The following MTHFD2L variants were observed in gnomAD, a reference collection of about 807,000 sequenced individuals.
MTHFD2L encodes bifunctional methylenetetrahydrofolate dehydrogenase/cyclohydrolase 2, mitochondrial.
Under a neutral mutation model 34.9 loss-of-function variants are expected in MTHFD2L, and 29 were observed. The observed-to-expected ratio is 0.83, with a 90% CI of 0.62 to 1.13. MTHFD2L has a LOEUF of 1.13. Among genes scored for constraint, MTHFD2L ranks in the 50% most tolerant of loss-of-function variants. MTHFD2L has a pLI of 0.00. For synonymous variants in MTHFD2L, 167 were observed against 155.7 expected (o/e 1.07, Z -0.54); for missense variants, 481 against 446.5 (o/e 1.08, Z -0.70).
At chr4:74,130,506 A>G (rs1179585639) in intron 1 of MTHFD2L, among the ~76,000 whole-genome samples, 1 of 152,212 alleles carries the variant, frequency 6.6e-6, no homozygotes, top group Admixed American at 6.5e-5. Context: ...ATCTCAATAG[A>G]TGCAGAAAAG....
chr4:74,301,288 A>C (rs928874879), intron 7 of MTHFD2L, among the ~76,000 whole-genome samples: 2 of 152,086 alleles, frequency 1.3e-5, no homozygotes, highest in African/African-American at 4.8e-5. Flanking sequence ...AACAGGAATA[A>C]TTCTATTTAA....
At chr4:74,138,862 C>T (rs1723115598) in intron 1 of MTHFD2L, among the ~76,000 whole-genome samples, 1 of 152,136 alleles carries the variant, frequency 6.6e-6, no homozygotes, top group African/African-American at 2.4e-5. Flanking sequence ...AATCATTGTC[C>T]CTCCCTCTGT....
intron 3 of MTHFD2L, among the ~76,000 whole-genome samples, chr4:74,185,151 C>CAAAAAAAAAAAAAAAAAA (rs1169021073): frequency 1.3e-4 from 2 of 15,982 alleles, no homozygotes; most frequent in East Asian, 2.2e-3. Context: ...GACTCCATCT[C>CAAAAAAAAAAAAAAAAAA]AAAAAAAAAA....
chr4:74,139,669 T>G (rs1411691031), intron 1 of MTHFD2L, among the ~76,000 whole-genome samples: 1 of 152,128 alleles, frequency 6.6e-6, no homozygotes, highest in Non-Finnish European at 1.5e-5. Flanking sequence ...TTTTTTTCAC[T>G]TCTTTGTGGA....
intron 6 of MTHFD2L, among the ~76,000 whole-genome samples, chr4:74,242,526 G>A (rs962661951): frequency 6.6e-6 from 1 of 152,022 alleles, no homozygotes; most frequent in African/African-American, 2.4e-5. Flanking sequence ...CTATATTATA[G>A]ATGCAAAAAG....
At chr4:74,171,140 T>TA (rs1333327733) in intron 1 of MTHFD2L, among the ~76,000 whole-genome samples, 3 of 151,864 alleles carry the variant, frequency 2.0e-5, no homozygotes, top group Admixed American at 1.3e-4. Flanking sequence ...ATAATAAAAT[T>TA]AAAAAAATTC....
At chr4:74,261,125 G>A (rs1453589374) in intron 6 of MTHFD2L, among the ~76,000 whole-genome samples, 2 of 152,062 alleles carry the variant, frequency 1.3e-5, no homozygotes, top group East Asian at 3.9e-4. Flanking sequence ...TGTATTGTTG[G>A]TGTTCCTGGC....
At chr4:74,216,164 C>T (rs1255535164) in intron 5 of MTHFD2L, among the ~76,000 whole-genome samples, 1 of 151,688 alleles carries the variant, frequency 6.6e-6, no homozygotes, top group Non-Finnish European at 1.5e-5. Flanking sequence ...TTTTATAGGG[C>T]AATTTCCTTT....
chr4:74,219,337 G>C (rs1737748306), intron 5 of MTHFD2L, among the ~76,000 whole-genome samples: 1 of 152,068 alleles, frequency 6.6e-6, no homozygotes, highest in Non-Finnish European at 1.5e-5. Flanking sequence ...AGAAAATGAG[G>C]CCCTAGCCCA....
chr4:74,261,815 A>G (rs2110224146), intron 6 of MTHFD2L, among the ~76,000 whole-genome samples: 1 of 152,088 alleles, frequency 6.6e-6, no homozygotes, highest in Admixed American at 6.5e-5. Flanking sequence ...CTTGCTACCT[A>G]AGTTATAAGT....
At chr4:74,171,909 GAATATCCATTA>G (rs1560442140) in intron 1 of MTHFD2L, among the ~76,000 whole-genome samples, 4 of 144,802 alleles carry the variant, frequency 2.8e-5, no homozygotes. Flanking sequence ...GAAAGAACCC[GAATATCCATTA>G]ATTACAATCG....
intron 1 of MTHFD2L, among the ~76,000 whole-genome samples, chr4:74,159,143 A>G (rs1207215111): frequency 6.6e-6 from 1 of 152,192 alleles, no homozygotes; most frequent in Non-Finnish European, 1.5e-5. Flanking sequence ...GATACTGTTT[A>G]TTTAATTTAA....
intron 1 of MTHFD2L, among the ~76,000 whole-genome samples, chr4:74,167,997 C>T (rs1727112366): frequency 6.6e-6 from 1 of 152,046 alleles, no homozygotes; most frequent in African/African-American, 2.4e-5. Flanking sequence ...TTAGCACCTC[C>T]ATGGCTACCC....
intron 6 of MTHFD2L, among the ~76,000 whole-genome samples, chr4:74,256,531 T>A (rs764332232): frequency 6.6e-6 from 1 of 152,218 alleles, no homozygotes. Context: ...GTTTGAGGCC[T>A]TATATTTAAA....
intron 1 of MTHFD2L, among the ~76,000 whole-genome samples, chr4:74,143,149 C>CA (rs375191203): frequency 2.5e-4 from 38 of 151,468 alleles, no homozygotes; most frequent in South Asian, 8.3e-4. Context: ...AACAAACAAA[C>CA]AAAAAAAACA....
chr4:74,259,609 A>G (rs1285739926), intron 6 of MTHFD2L, among the ~76,000 whole-genome samples: 1 of 152,210 alleles, frequency 6.6e-6, no homozygotes, highest in African/African-American at 2.4e-5. Context: ...TTTATTTGAA[A>G]CAGACCATAG....
intron 5 of MTHFD2L, among the ~76,000 whole-genome samples, chr4:74,219,993 A>G (rs948471457): frequency 5.9e-5 from 9 of 151,972 alleles, no homozygotes; most frequent in Admixed American, 2.6e-4. Context: ...TGTTACTTAT[A>G]TGTGTGTACA....
At chr4:74,131,317 C>T (rs1428734632) in intron 1 of MTHFD2L, among the ~76,000 whole-genome samples, 1 of 152,180 alleles carries the variant, frequency 6.6e-6, no homozygotes, top group African/African-American at 2.4e-5. Context: ...AAGCATCATG[C>T]TACCTGACTT....
At chr4:74,127,879 T>C (rs988018718) in intron 1 of MTHFD2L, among the ~76,000 whole-genome samples, 1 of 152,146 alleles carries the variant, frequency 6.6e-6, no homozygotes, top group Non-Finnish European at 1.5e-5. Flanking sequence ...GTATGAGGGT[T>C]TCCCTTTCTC....
Sources: gnomAD v4.1 joint callset for allele counts (sites outside exome capture counted in the v4.1 genomes callset) on GRCh38, gnomAD v4.1.1 for gene constraint, MANE v1.5 for transcripts, NCBI Gene and HGNC (gene_info 2026-07-23, HGNC 2026-07-21) for gene names.